The following KIF26B variants were observed in gnomAD, a reference collection of about 807,000 sequenced individuals.
KIF26B encodes kinesin family member 26B, also known as kinesin-like protein KIF26B.
In KIF26B, 63 loss-of-function variants were observed where a neutral mutation model predicts 151.2. That is an observed-to-expected ratio of 0.42 (90% CI 0.34 to 0.51). The LOEUF (loss-of-function observed/expected upper bound fraction) is 0.51. Ranked by LOEUF, KIF26B falls within the 20% of genes least tolerant of loss-of-function variation. KIF26B has a pLI of 0.07. For synonymous variants in KIF26B, 1,357 were observed against 1,262.1 expected (o/e 1.08, Z -1.59); for missense variants, 2,813 against 2,913.6 (o/e 0.97, Z 0.79).
rs1434057707 is a variant in KIF26B, at chr1:245,512,404, G to GC, written c.1167-28362dup. On this transcript the variant is annotated intron_variant, in intron 4 of 14. Coordinates refer to ENST00000407071, the MANE Select transcript of KIF26B (RefSeq NM_018012.4). The surrounding 1 kb of genome is among the most constrained non-coding windows in gnomAD (Gnocchi z 4.3). ...CAGAGGGAGTACTGTGAAGCAACAT[G>GC]CAGGGCTGCCAATTTTGGAAATGAA... Among the ~76,000 whole-genome samples the GC allele has an allele frequency of 6.6e-6, 1 of 152,148 alleles. No individual in the cohort carries two copies. Among genetic ancestry groups the GC allele is most frequent in the Non-Finnish European group, 1.5e-5 (1 of 68,022 alleles).
At chr1:245,534,044 G>C (rs1353245694) in intron 4 of KIF26B, among the ~76,000 whole-genome samples, 1 of 152,178 alleles carries the variant, frequency 6.6e-6, no homozygotes, top group African/African-American at 2.4e-5. Context: ...AGATGAGTGA[G>C]GCTATGGAGA....
chr1:245,240,898 G>A (rs1374731816), intron 2 of KIF26B, among the ~76,000 whole-genome samples: 3 of 152,058 alleles, frequency 2.0e-5, no homozygotes, highest in Non-Finnish European at 4.4e-5. Flanking sequence ...TGGAGAATGA[G>A]GTGGAAAGAA....
intron 2 of KIF26B, among the ~76,000 whole-genome samples, chr1:245,301,214 C>T (rs1671423902): frequency 6.6e-6 from 1 of 152,206 alleles, no homozygotes; most frequent in Non-Finnish European, 1.5e-5. Flanking sequence ...ACTTTCTTCT[C>T]CCGCCTTCCT....
rs10656316 is a variant in KIF26B, at chr1:245,158,838, T to TTG, written c.465+2186_465+2187dup. Among the ~76,000 whole-genome samples, 1,109 of 149,030 alleles carry TTG rather than the reference T, an allele frequency of 7.4e-3. 16 individuals carry two copies. The highest frequency in any genetic ancestry group is 0.026 in the African/African-American group (1,041 of 40,352). On this transcript the variant is annotated intron_variant, in intron 2 of 14. Transcript: ENST00000407071. ...TTCTGCAAGCCTTTGTGAATAATAA[T>TTG]TGTGTGTGTGTGTGTGTGTGTGTGT...
intron 2 of KIF26B, among the ~76,000 whole-genome samples, chr1:245,246,308 G>C (rs74908567): frequency 2.6e-5 from 4 of 152,242 alleles, no homozygotes; most frequent in Admixed American, 2.6e-4. Context: ...TCTGCTCTTC[G>C]GAATCATTGA....
intron 4 of KIF26B, among the ~76,000 whole-genome samples, chr1:245,434,176 T>C (rs1344194127): frequency 1.3e-5 from 2 of 152,200 alleles, no homozygotes; most frequent in African/African-American, 4.8e-5. Context: ...TTTTGTAACA[T>C]GGCTATCCTG....
chr1:245,374,506 G>A (rs985975374), intron 3 of KIF26B, among the ~76,000 whole-genome samples: 1 of 152,010 alleles, frequency 6.6e-6, no homozygotes, highest in Admixed American at 6.6e-5. Flanking sequence ...CACGTTCTTC[G>A]CAGCTCTTGA....
intron 7 of KIF26B, among the ~76,000 whole-genome samples, chr1:245,608,864 G>A (rs370558565): frequency 2.8e-4 from 43 of 151,940 alleles, no homozygotes; most frequent in Middle Eastern, 3.4e-3. Flanking sequence ...TGATCCTCTC[G>A]CCTCAGCTTC....
chr1:245,631,025 T>C (rs960575178), intron 9 of KIF26B, among the ~76,000 whole-genome samples: 2 of 152,208 alleles, frequency 1.3e-5, no homozygotes, highest in Non-Finnish European at 2.9e-5. Flanking sequence ...TCAGAGTTTT[T>C]GGTGGAATCT....
chr1:245,367,286 G>A lies in KIF26B; in HGVS notation c.918G>A (p.Ser306=), dbSNP rs372898228. The change falls in exon 3 of 15, where the codon TCG becomes TCA. Residue 306 remains serine (S), a synonymous_variant. Coordinates refer to ENST00000407071, the MANE Select transcript of KIF26B (RefSeq NM_018012.4). This position sits in a 1 kb window ranked among gnomAD's most constrained non-coding sequence, Gnocchi z 4.2. ...TSPSNGNILN[S]VAIQAHQYLD... ...CAAGCAATGGGAACATCCTCAATTC[G>A]GTGGCCATCCAGGCTCACCAGTACC... 1.6e-5 allele frequency: 26 copies of A among 1,599,548 alleles called. No individual in the cohort carries two copies. In the Admixed American group the frequency reaches 2.6e-4, roughly 16 times the overall value.
At chr1:245,264,883 A>G (rs1670713221) in intron 2 of KIF26B, among the ~76,000 whole-genome samples, 1 of 145,858 alleles carries the variant, frequency 6.9e-6, no homozygotes, top group Non-Finnish European at 1.5e-5. Context: ...ACAGAGCGAG[A>G]CTCCGTCTCA....
At chr1:245,506,798 A>C (rs1398947025) in intron 4 of KIF26B, among the ~76,000 whole-genome samples, 2 of 152,208 alleles carry the variant, frequency 1.3e-5, no homozygotes, top group African/African-American at 4.8e-5. Flanking sequence ...CTCCTGCCTC[A>C]GCCTCCCAAG....
chr1:245,506,406 T>G (rs983262933), intron 4 of KIF26B, among the ~76,000 whole-genome samples: 11 of 152,258 alleles, frequency 7.2e-5, no homozygotes, highest in African/African-American at 2.7e-4. Flanking sequence ...CTTAATTCCA[T>G]CATCATTTAT....
chr1:245,459,988 T>G (rs1397360238), intron 4 of KIF26B, among the ~76,000 whole-genome samples: 1 of 152,126 alleles, frequency 6.6e-6, no homozygotes, highest in African/African-American at 2.4e-5. Flanking sequence ...TGTTTGTTTG[T>G]TTTTTCTTTT....
intron 2 of KIF26B, among the ~76,000 whole-genome samples, chr1:245,263,175 G>A (rs1045973344): frequency 6.7e-6 from 1 of 149,074 alleles, no homozygotes; most frequent in African/African-American, 2.4e-5. Flanking sequence ...TGGGTCCCTC[G>A]TTAGCCCTGA....
At chr1:245,515,052 G>A (rs1660920339) in intron 4 of KIF26B, among the ~76,000 whole-genome samples, 1 of 152,192 alleles carries the variant, frequency 6.6e-6, no homozygotes, top group South Asian at 2.1e-4. Flanking sequence ...GCGTGCTCGA[G>A]TAGAAGTCAA....
chr1:245,281,981 A>C (rs1414442490), intron 2 of KIF26B, among the ~76,000 whole-genome samples: 1 of 152,128 alleles, frequency 6.6e-6, no homozygotes, highest in Non-Finnish European at 1.5e-5. Flanking sequence ...TTTTGGTACC[A>C]GTACCATGCT....
At chr1:245,406,586 G>A (rs1674140109) in intron 3 of KIF26B, among the ~76,000 whole-genome samples, 1 of 152,060 alleles carries the variant, frequency 6.6e-6, no homozygotes, top group Non-Finnish European at 1.5e-5. Flanking sequence ...GATAGAAAAG[G>A]GCATGATGTG....
intron 4 of KIF26B, among the ~76,000 whole-genome samples, chr1:245,519,704 A>T (rs529107365): frequency 6.6e-6 from 1 of 152,328 alleles, no homozygotes; most frequent in East Asian, 1.9e-4. Context: ...AGCCTCCTAC[A>T]CACCTAGGCT....
Sources: gnomAD v4.1 joint callset for allele counts (sites outside exome capture counted in the v4.1 genomes callset) on GRCh38, gnomAD v4.1.1 for gene constraint, Gnocchi (gnomAD v3.1) non-coding constraint, MANE v1.5 for transcripts, NCBI Gene and HGNC (gene_info 2026-07-23, HGNC 2026-07-21) for gene names.